CNOT6L: variants seen among roughly 807,000 people sequenced by gnomAD.
CNOT6L encodes CCR4-NOT transcription complex subunit 6 like.
Under a neutral mutation model 64.0 loss-of-function variants are expected in CNOT6L, and 7 were observed. That is an observed-to-expected ratio of 0.11 (90% CI 0.06 to 0.21). The LOEUF is 0.21. Ranked by LOEUF, CNOT6L falls within the 10% of genes least tolerant of loss-of-function variation. CNOT6L has a pLI of 1.00. For synonymous variants in CNOT6L, 193 were observed against 243.4 expected (o/e 0.79, Z 1.93); for missense variants, 245 against 669.0 (o/e 0.37, Z 6.99).
rs1350306021 is a variant in CNOT6L at position 77,713,691 on chromosome 4, A to G, written c.*6740T>C. 2 of 152,570 alleles carry G rather than the reference A, an allele frequency of 1.3e-5. No individual in the cohort carries two copies. Among genetic ancestry groups the G allele is most frequent in the Non-Finnish European group, 2.9e-5 (2 of 67,998 alleles). 9.5% of individuals were successfully genotyped at this position (152,570 alleles called of 1,614,324 possible). A position where few individuals can be genotyped will look rare whatever the true frequency, so the allele number is the denominator to read the frequency against. On this transcript the variant is annotated 3_prime_UTR_variant, in exon 12 of 12. Coordinates refer to ENST00000504123, the MANE Select transcript of CNOT6L (RefSeq NM_144571.3). ...TGCACGCACACTTTGTACAGTGTCTATTGTGAAAAACATCTCAGCTGAGCA... is the reference window on the plus strand; with the variant it reads ...TGCACGCACACTTTGTACAGTGTCTGTTGTGAAAAACATCTCAGCTGAGCA...
Position 77,720,310 on chromosome 4 carries a change from C to G in CNOT6L, c.*121G>C, listed in dbSNP as rs929154918. ...AATGTACAAAGTCTTACAGCAAACA[C>G]ATAATGAAAGAAACCTGAAGAAGCA... On this transcript the variant is annotated 3_prime_UTR_variant, in exon 12 of 12. Transcript: ENST00000504123. The G allele has an allele frequency of 3.7e-5, 42 of 1,132,534 alleles. No individual in the cohort carries two copies. In the Admixed American group the frequency reaches 9.0e-4, roughly 24 times the overall value. The allele number at this position is 1,132,534 out of a possible 1,614,324, so 70.2% of individuals were successfully genotyped here. A position where few individuals can be genotyped will look rare whatever the true frequency, so the allele number is the denominator to read the frequency against.
At chr4:77,730,053 C>T (rs1417669490) in intron 9 of CNOT6L, among the ~76,000 whole-genome samples, 1 of 151,964 alleles carries the variant, frequency 6.6e-6, no homozygotes, top group Non-Finnish European at 1.5e-5. Flanking sequence ...CGTAAACATA[C>T]AAATTTAATT....
intron 2 of CNOT6L, among the ~76,000 whole-genome samples, chr4:77,775,991 A>C (rs1211478478): frequency 1.3e-5 from 2 of 152,178 alleles, no homozygotes; most frequent in Non-Finnish European, 2.9e-5. Context: ...TTACTCTGAA[A>C]TAGCCTAAAC....
In CNOT6L at chr4:77,797,121, A is replaced by AAAAAC. The variant is rs1301406318; in HGVS notation, c.6-20730_6-20729insGTTTT. Among the ~76,000 whole-genome samples the AAAAAC allele has an allele frequency of 5.3e-5, 8 of 151,042 alleles. 1 individual carries two copies. Among genetic ancestry groups the AAAAAC allele is most frequent in the South Asian group, 2.1e-4 (1 of 4,788 alleles). ...TTGTCTCAAAAAAAAAAAAAAAAAA[A>AAAAAC]AAAAACTGCCAAGGATATTCACTGG... is the stretch of plus-strand genomic sequence containing the variant. On this transcript the variant is annotated intron_variant, in intron 1 of 11. Transcript: ENST00000504123.
In CNOT6L at chr4:77,725,936, TTATTA is replaced by T. The variant is rs57852857; in HGVS notation, c.1455+226_1455+230del. On this transcript the variant is annotated intron_variant, in intron 11 of 11. Transcript: ENST00000504123. ...CTAGTGAGCATTTTAGAAGTTTTTG[TTATTA>T]TATTATTTGAAATCTAAACAAGCAA... is the stretch of plus-strand genomic sequence containing the variant. Among the ~76,000 whole-genome samples the T allele has an allele frequency of 1.2e-3, 175 of 151,496 alleles. 1 individual carries two copies. Among genetic ancestry groups the T allele is most frequent in the African/African-American group, 4.1e-3 (168 of 41,470 alleles).
At chr4:77,753,901 T>TA (rs35875677) in intron 5 of CNOT6L, among the ~76,000 whole-genome samples, 337 of 138,556 alleles carry the variant, frequency 2.4e-3, no homozygotes, top group African/African-American at 6.5e-3. Flanking sequence ...CTACTCATGT[T>TA]AAAAAAAAAA....
chr4:77,773,114 G>T lies in CNOT6L; in HGVS notation c.367C>A (p.Arg123=), dbSNP rs569849663. The stretch of plus-strand genomic sequence containing the variant: ...CCTAGAGTTTGTAGCTGGAAGAGCC[G>T]ACCAAGTTCATAAGGCAAAACCCGT... ...LLRVLPYELG[R]LFQLQTLGLK... Residue 123 remains arginine (R), a synonymous_variant, in exon 4 of 12, where the codon CGG becomes AGG. Transcript: ENST00000504123. 8 of 1,600,286 alleles carry T rather than the reference G, an allele frequency of 5.0e-6. No individual in the cohort carries two copies. Among genetic ancestry groups the T allele is most frequent in the South Asian group, 1.1e-5 (1 of 88,258 alleles).
At chr4:77,788,786 G>A (rs1729755248) in intron 1 of CNOT6L, among the ~76,000 whole-genome samples, 1 of 151,318 alleles carries the variant, frequency 6.6e-6, no homozygotes. Context: ...GTGCAAATGT[G>A]TAATACATAT....
Position 77,718,042 on chromosome 4 carries a change from T to TTTTTA in CNOT6L, c.*2388_*2389insTAAAA, listed in dbSNP as rs1553923158. ...GCTGTTTACAATGTTTCCCATTTTT[T>TTTTTA]TTTATTTTTTCCCTCTACATTTAAC... On this transcript the variant is annotated 3_prime_UTR_variant, in exon 12 of 12. Coordinates refer to ENST00000504123, the MANE Select transcript of CNOT6L (RefSeq NM_144571.3). 2 of 152,242 alleles carry TTTTTA rather than the reference T, an allele frequency of 1.3e-5. No individual in the cohort carries two copies. The highest frequency in any genetic ancestry group is 1.5e-5 in the Non-Finnish European group (1 of 67,910). The allele number at this position is 152,242 out of a possible 1,614,324, so 9.4% of individuals were successfully genotyped here.
At chr4:77,765,369 TAAA>T (rs11434861) in intron 4 of CNOT6L, among the ~76,000 whole-genome samples, 1 of 150,468 alleles carries the variant, frequency 6.6e-6, no homozygotes, top group Non-Finnish European at 1.5e-5. Context: ...TGCTTTCACT[TAAA>T]AAAAAAAATT....
intron 10 of CNOT6L, among the ~76,000 whole-genome samples, chr4:77,727,551 C>A: frequency 9.4e-6 from 1 of 106,742 alleles, no homozygotes; most frequent in Admixed American, 1.4e-4. Context: ...AACAAGAGCA[C>A]AACTCTGTCT....
rs1429034330 is a variant in CNOT6L at position 77,713,969 on chromosome 4, T to C, written c.*6462A>G. 2 of 152,598 alleles carry C rather than the reference T, an allele frequency of 1.3e-5. No individual in the cohort carries two copies. The highest frequency in any genetic ancestry group is 1.5e-5 in the Non-Finnish European group (1 of 68,024). 9.5% of individuals were successfully genotyped at this position (152,598 alleles called of 1,614,324 possible). ...AAAAAATCTTAGATTTTAAACTGAT[T>C]ACTGAAACACAAAAACAAGTTGATT... On this transcript the variant is annotated 3_prime_UTR_variant, in exon 12 of 12. Transcript: ENST00000504123.
At chr4:77,780,925 T>G (rs147336166) in intron 1 of CNOT6L, among the ~76,000 whole-genome samples, 145 of 152,102 alleles carry the variant, frequency 9.5e-4, no homozygotes, top group African/African-American at 3.5e-3. Context: ...ATCACACCTC[T>G]GAATAGCCAC....
intron 11 of CNOT6L, among the ~76,000 whole-genome samples, chr4:77,724,323 G>A (rs1230768060): frequency 6.8e-6 from 1 of 147,794 alleles, no homozygotes; most frequent in Non-Finnish European, 1.5e-5. Flanking sequence ...CTAGGTGACA[G>A]AGTGAGACCC....
rs758586085 is a variant in CNOT6L at position 77,814,366 on chromosome 4, T to C, written c.5+4938A>G. ...ACAATTTAAATGGATACTTCTAAGG[T>C]ATCTAAATTATACCTCATAAAAGTT... On this transcript the variant is annotated intron_variant, in intron 1 of 11. Transcript: ENST00000504123. Among the ~76,000 whole-genome samples the C allele has an allele frequency of 2.0e-4, 30 of 152,182 alleles. 1 individual carries two copies. Among genetic ancestry groups the C allele is most frequent in the Non-Finnish European group, 4.1e-4 (28 of 67,998 alleles).
At chr4:77,725,799 G>T (rs959036336) in intron 11 of CNOT6L, among the ~76,000 whole-genome samples, 3 of 152,076 alleles carry the variant, frequency 2.0e-5, no homozygotes, top group African/African-American at 4.8e-5. Flanking sequence ...GCTTTTCTGT[G>T]GGGGGCGGGA....
Position 77,803,192 on chromosome 4 carries a change from CA to C in CNOT6L, c.5+16111del, listed in dbSNP as rs368603814. ...GTAAAGGTCATGATCAGGCAAATCA[CA>C]AAAGAATGCAGTGGCCAAAAAAAAT... On this transcript the variant is annotated intron_variant, in intron 1 of 11. Transcript: ENST00000504123. Among the ~76,000 whole-genome samples the C allele has an allele frequency of 7.7e-4, 116 of 150,862 alleles. 1 individual carries two copies. In the East Asian group the frequency reaches 0.013, roughly 17 times the overall value.
At chr4:77,768,474 AATATATATATATATATATATAT>A (rs1193284066) in intron 4 of CNOT6L, among the ~76,000 whole-genome samples, 2 of 13,116 alleles carry the variant, frequency 1.5e-4, no homozygotes, top group African/African-American at 1.5e-4. Flanking sequence ...AAAATAAATA[AATATATATATATATATATATAT>A]ATATATATAT....
chr4:77,770,938 T>C (rs1727468344), intron 4 of CNOT6L, among the ~76,000 whole-genome samples: 1 of 152,212 alleles, frequency 6.6e-6, no homozygotes, highest in African/African-American at 2.4e-5. Context: ...CTTGAGATAA[T>C]ATGAAACAGT....
Sources: gnomAD v4.1 joint callset for allele counts (sites outside exome capture counted in the v4.1 genomes callset) on GRCh38, gnomAD v4.1.1 for gene constraint, MANE v1.5 for transcripts, NCBI Gene and HGNC (gene_info 2026-07-23, HGNC 2026-07-21) for gene names.